The following CA8 variants were observed in gnomAD, a reference collection of about 807,000 sequenced individuals.
The protein encoded by CA8 is carbonic anhydrase-related protein.
CA8 carries 22 observed loss-of-function variants against 41.4 expected under a neutral mutation model. That is an observed-to-expected ratio of 0.53 (90% CI 0.38 to 0.76). The LOEUF (loss-of-function observed/expected upper bound fraction) is 0.76, where lower values mean the gene tolerates loss of function less well. Ranked by LOEUF, CA8 falls within the 30% of genes least tolerant of loss-of-function variation. The probability of loss-of-function intolerance (pLI) is 0.00; values close to 1 mark genes in which losing one functional copy is unlikely to be tolerated. For synonymous variants in CA8, 121 were observed against 130.6 expected (o/e 0.93, Z 0.50); for missense variants, 270 against 352.8 (o/e 0.77, Z 1.88).
intron 3 of CA8, among the ~76,000 whole-genome samples, chr8:60,245,020 A>G (rs1405227924): frequency 2.0e-5 from 3 of 152,206 alleles, no homozygotes; most frequent in African/African-American, 7.2e-5. Context: ...ATCTACCTTT[A>G]AGGAATATTT....
intron 3 of CA8, 60 bp downstream of exon 3, chr8:60,265,865 A>G (rs1418920871): frequency 6.4e-7 from 1 of 1,554,250 alleles, no homozygotes; most frequent in Non-Finnish European, 8.9e-7. Flanking sequence ...CATTTTCAGT[A>G]AATCGCTGAA....
At chr8:60,198,934 T>C (rs1423791103) in intron 8 of CA8, among the ~76,000 whole-genome samples, 1 of 152,134 alleles carries the variant, frequency 6.6e-6, no homozygotes, top group African/African-American at 2.4e-5. Context: ...ATAATTATTA[T>C]TTAAAGAAAA....
rs113072453 is a variant in CA8, at chr8:60,193,103, A to C, written c.*36-3118T>G. ...AATGATGTAAAAGTATTCAGAGGTGAACTACATGTGTTAATTTTTCTTTCC... is the reference window on the plus strand; with the variant it reads ...AATGATGTAAAAGTATTCAGAGGTGCACTACATGTGTTAATTTTTCTTTCC... On this transcript the variant is annotated intron_variant, in intron 8 of 8. Transcript: ENST00000317995. 4.1e-4 allele frequency among the ~76,000 whole-genome samples: 63 copies of C among 152,232 alleles called. 1 individual carries two copies. The highest frequency in any genetic ancestry group is 1.4e-3 in the African/African-American group (60 of 41,540).
intron 2 of CA8, among the ~76,000 whole-genome samples, chr8:60,269,083 C>T (rs541927725): frequency 6.6e-6 from 1 of 152,264 alleles, no homozygotes; most frequent in African/African-American, 2.4e-5. Context: ...TGACAAAATT[C>T]TCAATTCAGA....
At chr8:60,194,628 T>C (rs1341748237) in intron 8 of CA8, among the ~76,000 whole-genome samples, 3 of 152,200 alleles carry the variant, frequency 2.0e-5, no homozygotes, top group Non-Finnish European at 1.5e-5. Context: ...TAAGTGCTTC[T>C]TAAATAGCTT....
chr8:60,191,745 A>G (rs1806138044), intron 8 of CA8, among the ~76,000 whole-genome samples: 1 of 152,176 alleles, frequency 6.6e-6, no homozygotes, highest in South Asian at 2.1e-4. Context: ...GAATATATCC[A>G]GCCTTCTAAA....
chr8:60,237,403 C>G (rs191383738), intron 3 of CA8, among the ~76,000 whole-genome samples: 1 of 152,224 alleles, frequency 6.6e-6, no homozygotes, highest in Admixed American at 6.5e-5. Context: ...AAGCAGCCAA[C>G]TGGATTATAG....
chr8:60,217,316 T>C (rs1807055937), intron 7 of CA8, among the ~76,000 whole-genome samples: 1 of 152,250 alleles, frequency 6.6e-6, no homozygotes, highest in Admixed American at 6.5e-5. Context: ...TCTCTCCTTG[T>C]GGCTAAATCC....
At chr8:60,276,884 C>A (rs990011326) in intron 2 of CA8, among the ~76,000 whole-genome samples, 1 of 151,962 alleles carries the variant, frequency 6.6e-6, no homozygotes, top group Non-Finnish European at 1.5e-5. Flanking sequence ...TTTGGGAGGC[C>A]GAGGTGGGCG....
chr8:60,239,610 T>A (rs1585891163), intron 3 of CA8, among the ~76,000 whole-genome samples: 1 of 152,216 alleles, frequency 6.6e-6, no homozygotes, highest in Non-Finnish European at 1.5e-5. Context: ...TTGGACAAGC[T>A]TGCCCTAGAG....
intron 8 of CA8, among the ~76,000 whole-genome samples, chr8:60,200,766 T>C (rs1368297157): frequency 1.3e-5 from 2 of 152,300 alleles, no homozygotes; most frequent in East Asian, 3.9e-4. Flanking sequence ...TCCATCACTC[T>C]CACTGTGCTC....
rs373991480 is a variant in CA8 at position 60,224,524 on chromosome 8, G to T, written c.625+13C>A. 4.0e-6 allele frequency: 6 copies of T among 1,518,208 alleles called. No individual in the cohort carries two copies. The highest frequency in any genetic ancestry group is 5.5e-6 in the Non-Finnish European group (6 of 1,093,768). 94.0% of individuals were successfully genotyped at this position (1,518,208 alleles called of 1,614,324 possible). A position where few individuals can be genotyped will look rare whatever the true frequency, so the allele number is the denominator to read the frequency against. The stretch of plus-strand genomic sequence containing the variant: ...AGTTAAAATTCATTTTATGCAATCA[G>T]GTAAATACTCACCTGGTAATAAAGT... On this transcript the variant is annotated intron_variant, in intron 6 of 8. Transcript: ENST00000317995.
chr8:60,260,659 A>T (rs1182688031), intron 3 of CA8, among the ~76,000 whole-genome samples: 1 of 152,096 alleles, frequency 6.6e-6, no homozygotes, highest in East Asian at 1.9e-4. Flanking sequence ...GACCTTTTGA[A>T]CTCTTAGATT....
chr8:60,218,439 T>C (rs1393397041), intron 7 of CA8, among the ~76,000 whole-genome samples: 1 of 152,002 alleles, frequency 6.6e-6, no homozygotes. Context: ...TGTCGAATAA[T>C]TGCCAAATAA....
At chr8:60,224,513 T>G (rs1277431351) in intron 6 of CA8, 24 bp downstream of exon 6, 1 of 1,396,006 alleles carries the variant, frequency 7.2e-7, no homozygotes, top group Admixed American at 1.7e-5. Flanking sequence ...AAAATTCATT[T>G]TATGCAATCA....
chr8:60,280,840 G>A (rs1159759324), intron 1 of CA8, among the ~76,000 whole-genome samples: 4 of 152,336 alleles, frequency 2.6e-5, no homozygotes, highest in South Asian at 2.1e-4. Flanking sequence ...CGCAGGCGGC[G>A]GAAGAGCGCA....
At chr8:60,191,969 T>A (rs1806143674) in intron 8 of CA8, among the ~76,000 whole-genome samples, 1 of 152,034 alleles carries the variant, frequency 6.6e-6, no homozygotes, top group African/African-American at 2.4e-5. Context: ...GCTGAATGAA[T>A]TCTAATTTAC....
intron 2 of CA8, among the ~76,000 whole-genome samples, chr8:60,267,103 G>C (rs912549360): frequency 6.6e-6 from 1 of 152,232 alleles, no homozygotes; most frequent in Non-Finnish European, 1.5e-5. Flanking sequence ...CAAAGGAGAA[G>C]AAAGCAAATT....
intron 7 of CA8, among the ~76,000 whole-genome samples, chr8:60,219,974 G>A (rs866719526): frequency 1.1e-4 from 15 of 133,202 alleles, no homozygotes; most frequent in African/African-American, 3.8e-4. Flanking sequence ...TTCTCTAAAC[G>A]TTGTCCCTAA....
Sources: allele counts gnomAD v4.1 joint callset (sites outside exome capture counted in the v4.1 genomes callset), GRCh38; gene constraint gnomAD v4.1.1; transcripts MANE v1.5; gene names NCBI Gene and HGNC (gene_info 2026-07-23, HGNC 2026-07-21).